The following PSMA1 variants were observed in gnomAD, a reference collection of about 807,000 sequenced individuals.
PSMA1 encodes proteasome 20S subunit alpha 1, also known as proteasome subunit alpha type-1.
Under a neutral mutation model 38.4 loss-of-function variants are expected in PSMA1, and 3 were observed. The ratio of observed to expected loss-of-function variants is 0.08; its 90% CI spans 0.04 to 0.20. PSMA1 has a LOEUF of 0.20. Ranked by LOEUF, PSMA1 falls within the 10% of genes least tolerant of loss-of-function variation. The pLI, the probability that PSMA1 is intolerant of heterozygous loss-of-function variation, is 1.00. For synonymous variants in PSMA1, 101 were observed against 107.1 expected (o/e 0.94, Z 0.35); for missense variants, 227 against 325.3 (o/e 0.70, Z 2.32).
At chr11:14,522,056 A>C (rs1851537064), upstream of PSMA1, among the ~76,000 whole-genome samples, 1 of 152,240 alleles carries the variant, frequency 6.6e-6, no homozygotes, top group South Asian at 2.1e-4. Flanking sequence ...CATATACTAC[A>C]TAAACATTTT....
chr11:14,629,726 G>C (rs1852973100), intron 1 of PSMA1, among the ~76,000 whole-genome samples: 2 of 152,078 alleles, frequency 1.3e-5, no homozygotes, highest in South Asian at 4.2e-4. Context: ...TAGCTTGATG[G>C]GGATGGCATT....
At chr11:14,607,923 C>T (rs1852662678) in intron 2 of PSMA1, among the ~76,000 whole-genome samples, 1 of 152,006 alleles carries the variant, frequency 6.6e-6, no homozygotes, top group Non-Finnish European at 1.5e-5. Context: ...GATGATGGGT[C>T]CAGAGGCCAT....
intron 1 of PSMA1, among the ~76,000 whole-genome samples, chr11:14,633,375 A>G (rs1393642802): frequency 6.7e-6 from 1 of 148,772 alleles, no homozygotes; most frequent in African/African-American, 2.5e-5. Flanking sequence ...CCTCAGCTGC[A>G]GGTCTGTTGG....
chr11:14,547,114 G>A (rs1052940045), intron 2 of PSMA1, among the ~76,000 whole-genome samples: 1 of 152,184 alleles, frequency 6.6e-6, no homozygotes, highest in Non-Finnish European at 1.5e-5. Flanking sequence ...AAATAAGAAT[G>A]GAATGTGTGG....
At chr11:14,569,301 C>T (rs1203744794) in intron 2 of PSMA1, among the ~76,000 whole-genome samples, 5 of 152,024 alleles carry the variant, frequency 3.3e-5, no homozygotes, top group South Asian at 2.1e-4. Context: ...GCATGAGCGA[C>T]GCAGAAGACG....
intron 9 of PSMA1, 169 bp downstream of exon 9, chr11:14,507,487 T>C: frequency 1.7e-6 from 1 of 585,166 alleles, no homozygotes; most frequent in South Asian, 2.0e-5. Context: ...TTTATGGAGA[T>C]CACTGCCCTT....
chr11:14,641,069 C>T (rs922325323), intron 1 of PSMA1, among the ~76,000 whole-genome samples: 2 of 151,690 alleles, frequency 1.3e-5, no homozygotes, highest in African/African-American at 4.8e-5. Context: ...AGGGAAGGCA[C>T]CTAATGTAGA....
chr11:14,513,404 T>G (rs1311528873), intron 7 of PSMA1, 166 bp downstream of exon 7: 11 of 716,104 alleles, frequency 1.5e-5, no homozygotes, highest in Non-Finnish European at 2.2e-5. Flanking sequence ...GAAGTTAAGA[T>G]TAGTATATGT....
In PSMA1 at chr11:14,539,814, A is replaced by C. The variant is rs192943392; in HGVS notation, c.22-20773T>G. On this transcript the variant is annotated intron_variant, in intron 2 of 10. Transcript: ENST00000418988. Reference sequence around the variant, plus strand: ...CAGTGAGCCGAGATTGCGCCACTGCACTCCAGCCTGGGTGACAGAGCGAGA... The same window carrying C: ...CAGTGAGCCGAGATTGCGCCACTGCCCTCCAGCCTGGGTGACAGAGCGAGA... Among the ~76,000 whole-genome samples, 21 of 152,050 alleles carry C rather than the reference A, an allele frequency of 1.4e-4. No homozygotes were observed. In the South Asian group the frequency reaches 3.7e-3, roughly 27 times the overall value.
chr11:14,547,644 T>C (rs148508191), intron 2 of PSMA1, among the ~76,000 whole-genome samples: 61 of 152,110 alleles, frequency 4.0e-4, no homozygotes, highest in African/African-American at 1.2e-3. Context: ...GGACACACAC[T>C]CTGAACAGGG....
intron 2 of PSMA1, among the ~76,000 whole-genome samples, chr11:14,588,679 A>G (rs139550690): frequency 1.3e-5 from 2 of 152,354 alleles, no homozygotes; most frequent in Admixed American, 1.3e-4. Context: ...TGTCTCATGA[A>G]TCACAATAAT....
intron 2 of PSMA1, among the ~76,000 whole-genome samples, chr11:14,530,775 G>A (rs982965889): frequency 3.9e-5 from 6 of 151,926 alleles, no homozygotes; most frequent in Non-Finnish European, 5.9e-5. Context: ...GGTGGTGCAC[G>A]CCTGTAATCC....
intron 1 of PSMA1, chr11:14,611,286 C>G (rs1183958888): frequency 2.8e-6 from 1 of 355,902 alleles, no homozygotes; most frequent in Non-Finnish European, 5.0e-6. Flanking sequence ...AGGAGAGTTA[C>G]TCTAATGGAT....
upstream of PSMA1, among the ~76,000 whole-genome samples, chr11:14,523,539 T>A (rs940842060): frequency 6.6e-6 from 1 of 151,754 alleles, no homozygotes; most frequent in African/African-American, 2.4e-5. Flanking sequence ...CCCAAAGTGC[T>A]GAAATTACAG....
chr11:14,571,335 T>G (rs1025299314), intron 2 of PSMA1, among the ~76,000 whole-genome samples: 1 of 152,200 alleles, frequency 6.6e-6, no homozygotes, highest in Non-Finnish European at 1.5e-5. Context: ...AGTGCTGGGA[T>G]TACAGGCATG....
intron 1 of PSMA1, among the ~76,000 whole-genome samples, chr11:14,634,550 G>T (rs1853087703): frequency 6.7e-6 from 1 of 148,344 alleles, no homozygotes; most frequent in South Asian, 2.1e-4. Flanking sequence ...TCACTATGTT[G>T]CCCAGGCTAG....
chr11:14,638,061 C>G (rs753099739), intron 1 of PSMA1, among the ~76,000 whole-genome samples: 5 of 152,186 alleles, frequency 3.3e-5, no homozygotes, highest in Non-Finnish European at 5.9e-5. Context: ...TTAATTTAAT[C>G]CACAGCAACT....
intron 2 of PSMA1, among the ~76,000 whole-genome samples, chr11:14,597,437 A>C (rs1162587585): frequency 6.6e-6 from 1 of 152,186 alleles, no homozygotes; most frequent in Non-Finnish European, 1.5e-5. Context: ...TTATTGGTCT[A>C]TTCAGAGATT....
chr11:14,522,310 C>A (rs1488577012), upstream of PSMA1, among the ~76,000 whole-genome samples: 1 of 152,018 alleles, frequency 6.6e-6, no homozygotes, highest in Admixed American at 6.5e-5. Flanking sequence ...TTATTGGTAT[C>A]ATAAAAATAC....
Sources: allele counts gnomAD v4.1 joint callset (sites outside exome capture counted in the v4.1 genomes callset), GRCh38; gene constraint gnomAD v4.1.1; transcripts MANE v1.5; gene names NCBI Gene and HGNC (gene_info 2026-07-23, HGNC 2026-07-21).